Variants in NCAPD3 observed in about 807,000 individuals in gnomAD.
NCAPD3 encodes condensin-2 complex subunit D3.
NCAPD3 carries 105 observed loss-of-function variants against 182.9 expected under a neutral mutation model. The ratio of observed to expected loss-of-function variants is 0.57; its 90% CI spans 0.49 to 0.68. The LOEUF (loss-of-function observed/expected upper bound fraction) is 0.68. Ranked by LOEUF, NCAPD3 falls within the 30% of genes least tolerant of loss-of-function variation. NCAPD3 has a pLI of 0.00. For synonymous variants in NCAPD3, 815 were observed against 679.9 expected (o/e 1.20, Z -3.09); for missense variants, 1,944 against 1,837.0 (o/e 1.06, Z -1.07).
In NCAPD3 at chr11:134,210,354, T is replaced by C; in HGVS notation, c.483A>G (p.Arg161=). 1 of 1,614,218 alleles carries C rather than the reference T, an allele frequency of 6.2e-7. No individual in the cohort carries two copies. Among genetic ancestry groups the C allele is most frequent in the Admixed American group, 1.7e-5 (1 of 60,030 alleles). ...WPQESNLNRK[R]KKEQPKSSQA... is the part of the protein sequence containing the mutation. ...GAGAGCTCTTAGGCTGTTCTTTCTT[T>C]CTTTTCCGATTCAAGTTAGATTCCT... The change falls in exon 4 of 35, where the codon AGA becomes AGG. Residue 161 remains arginine, a synonymous_variant. Coordinates refer to ENST00000534548, the MANE Select transcript of NCAPD3 (RefSeq NM_015261.3).
intron 12 of NCAPD3, 29 bp from the exon 13 acceptor site, chr11:134,202,934 C>A: frequency 6.5e-7 from 1 of 1,527,526 alleles, no homozygotes; most frequent in Non-Finnish European, 9.0e-7. Flanking sequence ...AGTCATTAAG[C>A]TAAAAATGTG....
intron 23 of NCAPD3, among the ~76,000 whole-genome samples, chr11:134,176,786 C>T (rs1944179042): frequency 6.6e-6 from 1 of 152,246 alleles, no homozygotes; most frequent in South Asian, 2.1e-4. Flanking sequence ...CTATAGTTCA[C>T]TAGGTTTTTC....
At position 134,160,062 on chromosome 11, in the gene NCAPD3, C is replaced by G. The variant is rs369723122; in HGVS notation, c.3697G>C (p.Asp1233His). 1.2e-6 allele frequency: 2 copies of G among 1,613,900 alleles called. No homozygotes were observed. The highest frequency in any genetic ancestry group is 2.7e-5 in the African/African-American group (2 of 74,928). ...AAGTCCTTGAGCTCATCTCGGTAATCCTGCATCACCTCCTGAAACAGAGCC... is the reference window on the plus strand; with the variant it reads ...AAGTCCTTGAGCTCATCTCGGTAATGCTGCATCACCTCCTGAAACAGAGCC... Reference protein sequence around the residue: ...LMHYLREVMQDYRDELKDFFA... With the variant: ...LMHYLREVMQHYRDELKDFFA... Residue 1233 changes from aspartate (D) to histidine (H), a missense_variant, in exon 29 of 35, where the codon GAT (aspartate) becomes CAT (histidine). Transcript: ENST00000534548.
intron 30 of NCAPD3, 59 bp downstream of exon 30, chr11:134,158,270 G>A (rs1943483061): frequency 8.2e-6 from 13 of 1,589,600 alleles, no homozygotes; most frequent in Middle Eastern, 4.2e-4. Flanking sequence ...TGGCAGGGAC[G>A]CCTCTGAGAA....
chr11:134,212,909 G>C lies in NCAPD3; in HGVS notation c.383-2455C>G, dbSNP rs149296808. On this transcript the variant is annotated intron_variant, in intron 3 of 34. Coordinates refer to ENST00000534548, the MANE Select transcript of NCAPD3 (RefSeq NM_015261.3). ...GAGGAAAAAATTGAGCAAAAAACAG[G>C]TTTAAAGAAATAGAAAATAAATAGA... 4.2e-3 allele frequency among the ~76,000 whole-genome samples: 636 copies of C among 152,138 alleles called. 4 individuals carry two copies. The highest frequency in any genetic ancestry group is 0.015 in the African/African-American group (609 of 41,506).
At chr11:134,194,875 G>A (rs760280048) in intron 13 of NCAPD3, 137 bp from the exon 14 acceptor site, 2 of 526,994 alleles carry the variant, frequency 3.8e-6, no homozygotes, top group Non-Finnish European at 6.6e-6. Flanking sequence ...AAATGAGAGT[G>A]TGGAAAAAGA....
rs769700433 is a variant in NCAPD3, at chr11:134,153,021, A to C, written c.4420T>G (p.Ser1474Ala). 6.3e-7 allele frequency: 1 copy of C among 1,594,660 alleles called. No homozygotes were observed. Among genetic ancestry groups the C allele is most frequent in the Non-Finnish European group, 8.6e-7 (1 of 1,168,294 alleles). ...GGAGTGTCTTTATTCCTGGCGGGAG[A>C]CCGCACATTCCACTGCTGAGGCTGT... Reference protein sequence around the residue: ...PPQPQQWNVRSPARNKDTPAC... With the variant: ...PPQPQQWNVRAPARNKDTPAC... The change falls in exon 35 of 35, where the codon TCT becomes GCT. Residue 1474 changes from serine to alanine, a missense_variant. This residue lies in a region of NCAPD3 where 1,803 missense variants were observed against 1,674.6 expected (regional missense o/e 1.08). Coordinates refer to ENST00000534548, the MANE Select transcript of NCAPD3 (RefSeq NM_015261.3).
Position 134,192,506 on chromosome 11 carries a change from T to C in NCAPD3, c.2045+183A>G, listed in dbSNP as rs1053950722. 2.6e-5 allele frequency among the ~76,000 whole-genome samples: 4 copies of C among 152,274 alleles called. No homozygotes were observed. In the East Asian group the frequency reaches 7.7e-4, roughly 29 times the overall value. ...AGTGACCAAACAGGTGTCACAAACA[T>C]ACAGGCGATAAAAATATCTAAGAGA... On this transcript the variant is annotated intron_variant, in intron 16 of 34. Transcript: ENST00000534548.
At chr11:134,202,933 G>A (rs774903395) in intron 12 of NCAPD3, 28 bp from the exon 13 acceptor site, 7 of 1,529,168 alleles carry the variant, frequency 4.6e-6, no homozygotes, top group Non-Finnish European at 6.3e-6. Flanking sequence ...CAGTCATTAA[G>A]CTAAAAATGT....
At chr11:134,156,846 A>G in intron 32 of NCAPD3, 172 bp downstream of exon 32, 2 of 573,722 alleles carry the variant, frequency 3.5e-6, no homozygotes, top group Non-Finnish European at 6.1e-6. Context: ...GTCAGTGCTC[A>G]TGGATCAAGC....
In NCAPD3 at chr11:134,192,918, T is replaced by TC; in HGVS notation, c.1825-10_1825-9insG. On this transcript the variant is annotated splice_polypyrimidine_tract_variant and intron_variant, in intron 15 of 34. Transcript: ENST00000534548. ...ACGCATCTAGGCTGAGCCTTAGGAG[T>TC]GAAAGATTATGACATGAGAAGGTCT... is the stretch of plus-strand genomic sequence containing the variant. 6.6e-7 allele frequency: 1 copy of TC among 1,507,716 alleles called. No individual in the cohort carries two copies. The highest frequency in any genetic ancestry group is 9.2e-7 in the Non-Finnish European group (1 of 1,084,740). The allele number at this position is 1,507,716 out of a possible 1,614,324, so 93.4% of individuals were successfully genotyped here.
Position 134,223,417 on chromosome 11 carries a change from T to C in NCAPD3, c.64+446A>G, listed in dbSNP as rs1317456051. 6 of 702,474 alleles carry C rather than the reference T, an allele frequency of 8.5e-6. No individual in the cohort carries two copies. In the East Asian group the frequency reaches 1.6e-4, roughly 19 times the overall value. The allele number at this position is 702,474 out of a possible 1,614,324, so 43.5% of individuals were successfully genotyped here. ...GGCTTGGATGGTGCCATTAGCAGGC[T>C]TTGGGAATCCCATTTTCACTCATGT... On this transcript the variant is annotated intron_variant, in intron 1 of 34. Transcript: ENST00000534548.
In NCAPD3 at chr11:134,157,021, C is replaced by CG; in HGVS notation, c.4248dup (p.Glu1417ArgfsTer6). The CG allele has an allele frequency of 6.2e-7, 1 of 1,611,906 alleles. No individual in the cohort carries two copies. The highest frequency in any genetic ancestry group is 8.5e-7 in the Non-Finnish European group (1 of 1,178,308). On this transcript the variant is annotated frameshift_variant, in exon 32 of 35. Coordinates refer to ENST00000534548, the MANE Select transcript of NCAPD3 (RefSeq NM_015261.3). LOFTEE classifies it high-confidence loss of function. ...CGTGTTCCGATCAGTTACTCACTCT[C>CG]GGGGGTGCTGATGGCCCGCTTGGTC... is the stretch of plus-strand genomic sequence containing the variant.
chr11:134,206,497 A>G, intron 8 of NCAPD3, 102 bp downstream of exon 8: 7 of 1,474,950 alleles, frequency 4.7e-6, no homozygotes, highest in Non-Finnish European at 6.5e-6. Context: ...AACCACCATC[A>G]GGCCAGAAAT....
Position 134,203,126 on chromosome 11 carries a change from T to C in NCAPD3, c.1525+16A>G, listed in dbSNP as rs372965868. On this transcript the variant is annotated intron_variant, in intron 12 of 34. Coordinates refer to ENST00000534548, the MANE Select transcript of NCAPD3 (RefSeq NM_015261.3). Reference sequence around the variant, plus strand: ...AAGATAATCATTCAATATTTGAAAATGTATTGATCCATTACCTGATGAATT... The same window carrying C: ...AAGATAATCATTCAATATTTGAAAACGTATTGATCCATTACCTGATGAATT... 1.2e-5 allele frequency: 19 copies of C among 1,537,226 alleles called. No individual in the cohort carries two copies. Among genetic ancestry groups the C allele is most frequent in the Non-Finnish European group, 1.6e-5 (18 of 1,116,354 alleles).
rs750134949 is a variant in NCAPD3, at chr11:134,217,087, G to A, written c.231C>T (p.Thr77=). The A allele has an allele frequency of 1.2e-6, 2 of 1,610,590 alleles. No homozygotes were observed. The highest frequency in any genetic ancestry group is 1.7e-6 in the Non-Finnish European group (2 of 1,178,582). Residue 77 remains threonine (T), a synonymous_variant, in exon 3 of 35, where the codon ACC becomes ACT. Transcript: ENST00000534548. ...GGGAAACATTGTTCTCAATGAAGAA[G>A]GTCCAGATACTCTGTGGGGAGACCG... The part of the protein sequence containing the change: ...GEHGSMESIW[T]FFIENNVSHS...
chr11:134,158,248 C>T (rs1032323553), intron 30 of NCAPD3, 81 bp downstream of exon 30: 2 of 1,568,336 alleles, frequency 1.3e-6, no homozygotes, highest in African/African-American at 1.4e-5. Context: ...CTTTCCTGCC[C>T]ACGCTTGGGA....
chr11:134,202,390 A>AT (rs1419568102), intron 13 of NCAPD3, among the ~76,000 whole-genome samples: 1 of 152,102 alleles, frequency 6.6e-6, no homozygotes, highest in African/African-American at 2.4e-5. Flanking sequence ...TGTTATTTTC[A>AT]TTTTTTAATT....
chr11:134,165,556 C>G (rs949358920), intron 27 of NCAPD3, among the ~76,000 whole-genome samples: 4 of 148,076 alleles, frequency 2.7e-5, no homozygotes, highest in Non-Finnish European at 5.9e-5. Flanking sequence ...GCAGCACACT[C>G]ACTTGTGAGA....
Sources: gnomAD v4.1 joint callset for allele counts (sites outside exome capture counted in the v4.1 genomes callset) on GRCh38, gnomAD v4.1.1 for gene constraint, gnomAD v4.1.1 regional missense constraint, MANE v1.5 for transcripts, NCBI Gene and HGNC (gene_info 2026-07-23, HGNC 2026-07-21) for gene names.